The following ZNF438 variants were observed in gnomAD, a reference collection of about 807,000 sequenced individuals.
ZNF438 encodes the protein zinc finger protein 438.
A neutral mutation model predicts 38.0 loss-of-function variants in ZNF438; 25 were observed. The ratio of observed to expected loss-of-function variants is 0.66; its 90% CI spans 0.48 to 0.92. The LOEUF (loss-of-function observed/expected upper bound fraction) is 0.92, where lower values mean the gene tolerates loss of function less well. Ranked by LOEUF, ZNF438 falls within the 40% of genes least tolerant of loss-of-function variation. The pLI is 0.00. For missense variants in ZNF438, 1,007 were observed against 999.6 expected (o/e 1.01, Z -0.10); for synonymous variants, 372 against 364.1 (o/e 1.02, Z -0.25).
chr10:30,998,043 CACTT>C (rs2054233199), intron 1 of ZNF438, among the ~76,000 whole-genome samples: 1 of 152,198 alleles, frequency 6.6e-6, no homozygotes, highest in African/African-American at 2.4e-5. Context: ...GGGTCTCTGT[CACTT>C]ACCAGCTGAA....
intron 5 of ZNF438, among the ~76,000 whole-genome samples, chr10:30,847,917 T>A (rs748723391): frequency 2.6e-5 from 4 of 152,216 alleles, no homozygotes; most frequent in Non-Finnish European, 5.9e-5. Flanking sequence ...GCCGGTAGCA[T>A]GAGCTGAGTG....
At chr10:30,942,522 A>G (rs147096955) in intron 1 of ZNF438, among the ~76,000 whole-genome samples, 39 of 152,338 alleles carry the variant, frequency 2.6e-4, no homozygotes, top group Admixed American at 2.4e-3. Context: ...ATAACAGCCT[A>G]AACAATTATG....
At chr10:30,872,771 T>G (rs1340047997) in intron 4 of ZNF438, among the ~76,000 whole-genome samples, 1 of 113,400 alleles carries the variant, frequency 8.8e-6, no homozygotes, top group Non-Finnish European at 1.9e-5. Context: ...AAAAAAAGAA[T>G]TGACTCCAGT....
At chr10:30,992,698 C>A (rs1376459458) in intron 1 of ZNF438, among the ~76,000 whole-genome samples, 5 of 152,212 alleles carry the variant, frequency 3.3e-5, no homozygotes, top group African/African-American at 1.2e-4. Context: ...CAGGCGTGAG[C>A]CACCGTGCCC....
chr10:30,913,247 C>A (rs1176018114), intron 2 of ZNF438, among the ~76,000 whole-genome samples: 1 of 151,936 alleles, frequency 6.6e-6, no homozygotes, highest in Non-Finnish European at 1.5e-5. Flanking sequence ...TAAATATGAC[C>A]TAAAAAGCTC....
At chr10:30,991,417 C>T (rs1184084271) in intron 1 of ZNF438, among the ~76,000 whole-genome samples, 1 of 152,192 alleles carries the variant, frequency 6.6e-6, no homozygotes, top group Non-Finnish European at 1.5e-5. Context: ...TCTATCACTC[C>T]TGGATCAACT....
intron 1 of ZNF438, among the ~76,000 whole-genome samples, chr10:30,982,124 T>G (rs2052258349): frequency 6.8e-6 from 1 of 148,092 alleles, no homozygotes; most frequent in Non-Finnish European, 1.5e-5. Context: ...ATTTTTGAGA[T>G]GGAGTCTCGC....
At chr10:30,847,660 T>C (rs552311593) in intron 5 of ZNF438, among the ~76,000 whole-genome samples, 1 of 152,320 alleles carries the variant, frequency 6.6e-6, no homozygotes, top group South Asian at 2.1e-4. Flanking sequence ...GGGAGCCCCC[T>C]GAGCCAGGGC....
rs144804665 is a variant in ZNF438, at chr10:30,898,731, A to G, written c.-32+10202T>C. On this transcript the variant is annotated intron_variant, in intron 3 of 5. Transcript: ENST00000413025. Reference sequence around the variant, plus strand: ...TTTTTTCACTTTTGGTATTTTCCGCATTCCAATTTCATGGTGACCATTACA... The same window carrying G: ...TTTTTTCACTTTTGGTATTTTCCGCGTTCCAATTTCATGGTGACCATTACA... Among the ~76,000 whole-genome samples the G allele has an allele frequency of 4.5e-4, 69 of 152,174 alleles. 1 individual carries two copies. The highest frequency in any genetic ancestry group is 6.8e-3 in the Middle Eastern group (2 of 294).
intron 4 of ZNF438, among the ~76,000 whole-genome samples, chr10:30,862,818 A>G (rs1423437157): frequency 1.3e-5 from 2 of 152,258 alleles, no homozygotes; most frequent in African/African-American, 2.4e-5. Flanking sequence ...TTATGAAACT[A>G]AAGTGGTAAA....
chr10:30,990,097 T>C (rs1005745637), intron 1 of ZNF438, among the ~76,000 whole-genome samples: 2 of 152,168 alleles, frequency 1.3e-5, no homozygotes, highest in Non-Finnish European at 2.9e-5. Flanking sequence ...ATACGTTAAA[T>C]TCTAAAAGTT....
chr10:30,948,381 C>T (rs1031534132), intron 1 of ZNF438, among the ~76,000 whole-genome samples: 11 of 152,134 alleles, frequency 7.2e-5, no homozygotes, highest in East Asian at 3.8e-4. Flanking sequence ...TCACCAGCAA[C>T]GGAACAAAGC....
chr10:30,975,390 T>G (rs1317146661), intron 1 of ZNF438, among the ~76,000 whole-genome samples: 1 of 152,224 alleles, frequency 6.6e-6, no homozygotes, highest in Non-Finnish European at 1.5e-5. Context: ...GGACAGCTTC[T>G]GTCACTGAAC....
intron 1 of ZNF438, among the ~76,000 whole-genome samples, chr10:31,023,501 A>T (rs923569284): frequency 6.6e-5 from 10 of 152,266 alleles, no homozygotes; most frequent in Non-Finnish European, 1.3e-4. Flanking sequence ...ACAGAAAACA[A>T]GTGATATTTG....
In ZNF438 at chr10:30,950,788, G is replaced by A. The variant is rs991645569; in HGVS notation, c.-191-9137C>T. 3.5e-4 allele frequency among the ~76,000 whole-genome samples: 41 copies of A among 118,096 alleles called. 3 individuals are homozygous for A. The highest frequency in any genetic ancestry group is 2.2e-3 in the Admixed American group (26 of 11,598). 77.5% of individuals were successfully genotyped at this position (118,096 alleles called of 152,430 possible). ...ACCAACCAAAAAGAGTCCAGGACCA[G>A]ATGGATTCACAGCTGAATTCTACCA... On this transcript the variant is annotated intron_variant, in intron 1 of 5. Transcript: ENST00000413025.
intron 1 of ZNF438, among the ~76,000 whole-genome samples, chr10:30,953,628 AAATAT>A (rs948200080): frequency 4.2e-5 from 6 of 142,626 alleles, no homozygotes; most frequent in African/African-American, 1.3e-4. Flanking sequence ...CTAAAACTTA[AAATAT>A]AATAATAAAA....
At chr10:30,977,790 C>G (rs970143910) in intron 1 of ZNF438, among the ~76,000 whole-genome samples, 2 of 152,002 alleles carry the variant, frequency 1.3e-5, no homozygotes, top group East Asian at 3.9e-4. Flanking sequence ...CGAGACTAGC[C>G]TGGCTAATAT....
At chr10:30,914,566 A>G (rs2043403996) in intron 2 of ZNF438, among the ~76,000 whole-genome samples, 1 of 152,078 alleles carries the variant, frequency 6.6e-6, no homozygotes, top group African/African-American at 2.4e-5. Context: ...TGCATGGAAC[A>G]TATATTATCT....
chr10:30,937,933 C>T (rs2046421704), intron 2 of ZNF438, among the ~76,000 whole-genome samples: 1 of 152,156 alleles, frequency 6.6e-6, no homozygotes, highest in Admixed American at 6.5e-5. Flanking sequence ...TCATGGTTCT[C>T]CTAAATTTGG....
Sources: gnomAD v4.1 joint callset for allele counts (sites outside exome capture counted in the v4.1 genomes callset) on GRCh38, gnomAD v4.1.1 for gene constraint, MANE v1.5 for transcripts, NCBI Gene and HGNC (gene_info 2026-07-23, HGNC 2026-07-21) for gene names.